Variants in EYS observed in about 807,000 individuals in gnomAD.
EYS encodes the protein protein eyes shut homolog.
Under a neutral mutation model 282.1 loss-of-function variants are expected in EYS, and 250 were observed. The ratio of observed to expected loss-of-function variants is 0.89; its 90% CI spans 0.80 to 0.98. EYS has a LOEUF of 0.98. Ranked by LOEUF, EYS falls within the 50% of genes least tolerant of loss-of-function variation. The pLI is 0.00. For synonymous variants in EYS, 1,355 were observed against 1,282.9 expected, an observed-to-expected ratio of 1.06 and a Z score of -1.20; for missense variants, 4,016 against 3,709.0, an observed-to-expected ratio of 1.08 and a Z score of -2.15.
At chr6:64,030,265 G>A (rs1020167825) in intron 33 of EYS, among the ~76,000 whole-genome samples, 1 of 152,142 alleles carries the variant, frequency 6.6e-6, no homozygotes, top group East Asian at 1.9e-4. Flanking sequence ...GGGAGAAGGA[G>A]AGAGATGGAA....
chr6:65,566,077 T>A (rs374339373), intron 2 of EYS, among the ~76,000 whole-genome samples: 2 of 140,214 alleles, frequency 1.4e-5, no homozygotes, highest in Non-Finnish European at 3.1e-5. Context: ...TGCACATGTA[T>A]CCCAGAACTG....
At chr6:64,452,498 G>GA (rs1417730775) in intron 26 of EYS, among the ~76,000 whole-genome samples, 10 of 152,032 alleles carry the variant, frequency 6.6e-5, no homozygotes, top group Non-Finnish European at 1.0e-4. Flanking sequence ...CACAGAATTG[G>GA]AAAAAACTAC....
chr6:64,648,582 C>T (rs1334559584), intron 22 of EYS, among the ~76,000 whole-genome samples: 2 of 152,112 alleles, frequency 1.3e-5, no homozygotes, highest in Admixed American at 6.6e-5. Context: ...TAACACAGTA[C>T]TTCTAAGAGT....
chr6:64,582,788 A>G (rs995833611), intron 26 of EYS, among the ~76,000 whole-genome samples: 1 of 152,158 alleles, frequency 6.6e-6, no homozygotes, highest in Non-Finnish European at 1.5e-5. Context: ...TGGGAATGAA[A>G]TGCAAATAAT....
intron 12 of EYS, among the ~76,000 whole-genome samples, chr6:65,118,878 GA>G (rs528289808): frequency 3.9e-3 from 339 of 87,094 alleles, no homozygotes; most frequent in Middle Eastern, 6.3e-3. Flanking sequence ...GTTCTTTAAG[GA>G]AAAAAAAAAA....
At chr6:63,972,388 T>A (rs920045809) in intron 35 of EYS, among the ~76,000 whole-genome samples, 1 of 152,216 alleles carries the variant, frequency 6.6e-6, no homozygotes, top group Non-Finnish European at 1.5e-5. Context: ...AAATGGTTAG[T>A]GGCATACTTA....
chr6:64,476,899 G>A (rs1776288437), intron 26 of EYS, among the ~76,000 whole-genome samples: 3 of 152,076 alleles, frequency 2.0e-5, no homozygotes, highest in Non-Finnish European at 2.9e-5. Context: ...GTTTAGGGAA[G>A]TTATAGTTTT....
At chr6:64,269,524 C>A (rs1767870542) in intron 30 of EYS, among the ~76,000 whole-genome samples, 1 of 151,576 alleles carries the variant, frequency 6.6e-6, no homozygotes, top group South Asian at 2.1e-4. Context: ...ATTTCACAAA[C>A]AAACCAAAAA....
chr6:64,203,966 A>ATTAG (rs952088155), intron 31 of EYS, among the ~76,000 whole-genome samples: 1 of 152,184 alleles, frequency 6.6e-6, no homozygotes, highest in Non-Finnish European at 1.5e-5. Flanking sequence ...CTTAAAATAC[A>ATTAG]TTAGTATCCA....
intron 9 of EYS, among the ~76,000 whole-genome samples, chr6:65,344,846 G>T (rs1225204153): frequency 1.3e-5 from 2 of 151,588 alleles, no homozygotes; most frequent in African/African-American, 2.4e-5. Context: ...GGTAATAAAA[G>T]AACATAGAAG....
rs924886409 is a variant in EYS, at chr6:63,999,057, G to A, written c.6834+18C>T. ...GAGGGCACAATTAGTGTTTGGAACT[G>A]GATATTTGCATACCTACCTGAGAGG... On this transcript the variant is annotated intron_variant, in intron 34 of 42. Transcript: ENST00000503581. 1 of 1,451,892 alleles carries A rather than the reference G, an allele frequency of 6.9e-7. No individual in the cohort carries two copies. The highest frequency in any genetic ancestry group is 9.5e-7 in the Non-Finnish European group (1 of 1,055,824). 89.9% of individuals were successfully genotyped at this position (1,451,892 alleles called of 1,614,324 possible).
intron 35 of EYS, among the ~76,000 whole-genome samples, chr6:63,970,033 C>T (rs561601947): frequency 2.0e-5 from 3 of 152,224 alleles, no homozygotes; most frequent in East Asian, 1.9e-4. Context: ...ACCCCCGCTA[C>T]GAGTGGAGAT....
At chr6:65,390,091 G>A (rs941938741) in intron 7 of EYS, among the ~76,000 whole-genome samples, 2 of 151,848 alleles carry the variant, frequency 1.3e-5, no homozygotes, top group Non-Finnish European at 2.9e-5. Context: ...TAAATTAAAG[G>A]TATTTCAGGG....
chr6:65,237,166 C>T (rs12209387), intron 12 of EYS, among the ~76,000 whole-genome samples: 6,440 of 152,070 alleles, frequency 0.042, 186 homozygotes, highest in Middle Eastern at 0.065. Flanking sequence ...TGCCTTTACG[C>T]GAATAAACGA....
intron 35 of EYS, among the ~76,000 whole-genome samples, chr6:63,931,769 G>A (rs1393582735): frequency 6.6e-6 from 1 of 152,068 alleles, no homozygotes; most frequent in African/African-American, 2.4e-5. Context: ...TCACTCCTTT[G>A]TGTTGTGAAT....
intron 32 of EYS, among the ~76,000 whole-genome samples, chr6:64,076,749 T>G (rs1190563171): frequency 2.0e-5 from 3 of 151,968 alleles, no homozygotes; most frequent in Non-Finnish European, 4.4e-5. Flanking sequence ...CAGTCTTGGG[T>G]ATGTCTTTAT....
intron 22 of EYS, among the ~76,000 whole-genome samples, chr6:64,643,787 G>A (rs1439833354): frequency 1.3e-5 from 2 of 152,222 alleles, no homozygotes; most frequent in African/African-American, 4.8e-5. Context: ...TTTGCCTGCT[G>A]CCATCCACGT....
rs547233750 is a variant in EYS, at chr6:64,927,293, G to A, written c.2382-14550C>T. On this transcript the variant is annotated intron_variant, in intron 15 of 42. Transcript: ENST00000503581. ...ATTTTGAAAGCTGATAGTTACTCGG[G>A]GCATGCATTGGAAATACCCACAGAT... Among the ~76,000 whole-genome samples the A allele has an allele frequency of 2.7e-3, 405 of 152,004 alleles. 6 individuals are homozygous for A. Among genetic ancestry groups the A allele is most frequent in the African/African-American group, 9.5e-3 (394 of 41,464 alleles).
chr6:65,584,353 T>G (rs181782980), intron 2 of EYS, among the ~76,000 whole-genome samples: 2 of 152,130 alleles, frequency 1.3e-5, no homozygotes, highest in East Asian at 3.9e-4. Flanking sequence ...ACAGGAGAAC[T>G]CCACACAACA....
Sources: allele counts gnomAD v4.1 joint callset (sites outside exome capture counted in the v4.1 genomes callset), GRCh38; gene constraint gnomAD v4.1.1; transcripts MANE v1.5; gene names NCBI Gene and HGNC (gene_info 2026-07-23, HGNC 2026-07-21).